ADGRB3: variants seen among roughly 807,000 people sequenced by gnomAD.
ADGRB3 encodes brain-specific angiogenesis inhibitor 3.
In ADGRB3, 37 loss-of-function variants were observed where a neutral mutation model predicts 193.4. That is an observed-to-expected ratio of 0.19 (90% confidence interval 0.15 to 0.25). The LOEUF is 0.25. ADGRB3 is among the 10% of genes least tolerant of loss of function. The pLI, the probability that ADGRB3 is intolerant of heterozygous loss-of-function variation, is 1.00. For synonymous variants in ADGRB3, 690 were observed against 644.2 expected (o/e 1.07, Z -1.08); for missense variants, 1,637 against 1,852.9 (o/e 0.88, Z 2.14).
chr6:68,876,415 G>C (rs1261422813), intron 3 of ADGRB3, among the ~76,000 whole-genome samples: 1 of 152,128 alleles, frequency 6.6e-6, no homozygotes, highest in African/African-American at 2.4e-5. Flanking sequence ...GCAGTATTTT[G>C]TTGATTTCTG....
Position 68,992,385 on chromosome 6 carries a change from G to A in ADGRB3, c.1735-1383G>A, listed in dbSNP as rs557615579. On this transcript the variant is annotated intron_variant, in intron 10 of 31. Transcript: ENST00000370598. The stretch of plus-strand genomic sequence containing the variant: ...CCTGGTACAAAGTAGAAACCAGCTG[G>A]CTTCTACTTTGAGGGTTCATGTCCT... 9.9e-5 allele frequency among the ~76,000 whole-genome samples: 15 copies of A among 152,228 alleles called. 1 individual carries two copies. In the South Asian group the frequency reaches 2.5e-3, roughly 25 times the overall value.
At chr6:69,212,213 C>T (rs1016601631) in intron 17 of ADGRB3, among the ~76,000 whole-genome samples, 2 of 152,128 alleles carry the variant, frequency 1.3e-5, no homozygotes, top group African/African-American at 2.4e-5. Flanking sequence ...GCCTGTGAAA[C>T]GTGTTTTATG....
intron 30 of ADGRB3, among the ~76,000 whole-genome samples, chr6:69,375,382 G>A (rs746760302): frequency 6.6e-5 from 10 of 152,002 alleles, no homozygotes; most frequent in Non-Finnish European, 1.3e-4. Flanking sequence ...GAGGTGGTAG[G>A]AAGAGAAAGC....
intron 3 of ADGRB3, among the ~76,000 whole-genome samples, chr6:68,695,678 A>G (rs1192018148): frequency 6.6e-6 from 1 of 151,916 alleles, no homozygotes; most frequent in Non-Finnish European, 1.5e-5. Context: ...ACTACTGTTA[A>G]GAGTCCACAG....
intron 3 of ADGRB3, among the ~76,000 whole-genome samples, chr6:68,731,173 A>G (rs1765767323): frequency 6.7e-6 from 1 of 150,096 alleles, no homozygotes; most frequent in South Asian, 2.1e-4. Context: ...AATAGGACAT[A>G]TATAACTTAC....
chr6:69,108,202 C>CT (rs3839465), intron 17 of ADGRB3, among the ~76,000 whole-genome samples: 69,703 of 151,936 alleles, frequency 0.46, 16,901 homozygotes, highest in East Asian at 0.9. Flanking sequence ...CACGAGACTT[C>CT]TTCAGTTTCA....
intron 11 of ADGRB3, among the ~76,000 whole-genome samples, chr6:69,008,521 C>T (rs560865193): frequency 4.7e-4 from 72 of 152,222 alleles, no homozygotes; most frequent in Non-Finnish European, 1.5e-4. Context: ...CCTGACTTTA[C>T]TGTCTGGCTG....
chr6:69,274,099 C>T (rs571849741), intron 20 of ADGRB3, among the ~76,000 whole-genome samples: 1 of 152,150 alleles, frequency 6.6e-6, no homozygotes, highest in African/African-American at 2.4e-5. Flanking sequence ...CTGAAATAGG[C>T]ATTTTGAGCA....
intron 17 of ADGRB3, among the ~76,000 whole-genome samples, chr6:69,216,955 T>G (rs1024704011): frequency 1.3e-5 from 2 of 152,222 alleles, no homozygotes; most frequent in Non-Finnish European, 2.9e-5. Flanking sequence ...CTGTCCTACC[T>G]GTAACCTGTC....
intron 3 of ADGRB3, among the ~76,000 whole-genome samples, chr6:68,670,122 T>C (rs1307518973): frequency 1.3e-5 from 2 of 152,054 alleles, no homozygotes; most frequent in African/African-American, 4.8e-5. Context: ...GGTTATTGGA[T>C]TTTTTTCTTA....
At chr6:68,827,241 A>G (rs1368800959) in intron 3 of ADGRB3, among the ~76,000 whole-genome samples, 1 of 152,086 alleles carries the variant, frequency 6.6e-6, no homozygotes, top group Non-Finnish European at 1.5e-5. Context: ...TATGAAAATT[A>G]TGGAGTGATC....
intron 20 of ADGRB3, among the ~76,000 whole-genome samples, chr6:69,285,468 C>T (rs555599107): frequency 5.9e-5 from 9 of 152,110 alleles, no homozygotes; most frequent in Non-Finnish European, 5.9e-5. Context: ...ATCAGGAGTT[C>T]GAGACCAGCC....
chr6:68,708,475 C>A (rs963022772), intron 3 of ADGRB3, among the ~76,000 whole-genome samples: 1 of 152,088 alleles, frequency 6.6e-6, no homozygotes, highest in East Asian at 1.9e-4. Context: ...CTCGAGTAAT[C>A]CTTACCTAAG....
intron 17 of ADGRB3, among the ~76,000 whole-genome samples, chr6:69,184,995 G>C (rs188420822): frequency 6.8e-4 from 104 of 152,158 alleles, no homozygotes; most frequent in African/African-American, 2.5e-3. Flanking sequence ...CCGTGCATTA[G>C]ACACACATAG....
In ADGRB3 at chr6:68,639,221, A is replaced by G. The variant is rs776748407; in HGVS notation, c.546A>G (p.Glu182=). ...GGTTGGAGAGCTGCTTAAAATCAGA[A>G]AATGGGAGAACAGAATCATGTGGGA... ...CTWLESCLKS[E]NGRTESCGIM... is the part of the protein sequence containing the mutation. The change falls in exon 3 of 32, where the codon GAA becomes GAG. Residue 182 remains glutamate, a synonymous_variant. Transcript: ENST00000370598. 1 of 1,614,158 alleles carries G rather than the reference A, an allele frequency of 6.2e-7. No homozygotes were observed. The highest frequency in any genetic ancestry group is 8.5e-7 in the Non-Finnish European group (1 of 1,180,004).
intron 3 of ADGRB3, among the ~76,000 whole-genome samples, chr6:68,887,819 C>T (rs1052835563): frequency 4.6e-5 from 7 of 152,000 alleles, no homozygotes; most frequent in Non-Finnish European, 8.8e-5. Context: ...TAAGTGGCTG[C>T]CCTATATTGC....
At chr6:68,797,823 G>T (rs1242492275) in intron 3 of ADGRB3, among the ~76,000 whole-genome samples, 3 of 151,928 alleles carry the variant, frequency 2.0e-5, no homozygotes, top group Non-Finnish European at 4.4e-5. Flanking sequence ...GTCATGTGTG[G>T]TTTTACCTTT....
intron 3 of ADGRB3, among the ~76,000 whole-genome samples, chr6:68,883,402 G>C (rs1458831313): frequency 1.3e-5 from 2 of 152,168 alleles, no homozygotes; most frequent in East Asian, 3.8e-4. Context: ...TGCAGCACCA[G>C]CTGCGGCAAT....
intron 3 of ADGRB3, among the ~76,000 whole-genome samples, chr6:68,827,376 A>T (rs981433093): frequency 1.3e-4 from 20 of 152,238 alleles, no homozygotes; most frequent in Middle Eastern, 3.4e-3. Context: ...GTGATTTTTT[A>T]AAAAAATAAT....
Sources: gnomAD v4.1 joint callset for allele counts (sites outside exome capture counted in the v4.1 genomes callset) on GRCh38, gnomAD v4.1.1 for gene constraint, MANE v1.5 for transcripts, NCBI Gene and HGNC (gene_info 2026-07-23, HGNC 2026-07-21) for gene names.